The following EPB41L5 variants were observed in gnomAD, a reference collection of about 807,000 sequenced individuals.
EPB41L5 encodes band 4.1-like protein 5.
A neutral mutation model predicts 106.6 loss-of-function variants in EPB41L5; 55 were observed. That is an observed-to-expected ratio of 0.52 (90% CI 0.42 to 0.65). The LOEUF is 0.65. Ranked by LOEUF, EPB41L5 falls within the 30% of genes least tolerant of loss-of-function variation. The pLI, the probability that EPB41L5 is intolerant of heterozygous loss-of-function variation, is 0.00. For missense variants in EPB41L5, 871 were observed against 882.1 expected, an observed-to-expected ratio of 0.99 and a Z score of 0.16; for synonymous variants, 297 against 306.7, an observed-to-expected ratio of 0.97 and a Z score of 0.33.
At chr2:120,165,018 T>C in intron 22 of EPB41L5, 108 bp downstream of exon 22, 1 of 797,950 alleles carries the variant, frequency 1.3e-6, no homozygotes, top group East Asian at 2.7e-5. Flanking sequence ...ACTTTTCATT[T>C]GATAAGAGTT....
At chr2:120,019,821 C>T (rs1677804651) in intron 2 of EPB41L5, among the ~76,000 whole-genome samples, 2 of 152,170 alleles carry the variant, frequency 1.3e-5, no homozygotes, top group South Asian at 4.1e-4. Flanking sequence ...TGTCTCTTTG[C>T]TCCTGAAGTA....
intron 16 of EPB41L5, chr2:120,105,155 A>G: frequency 1.0e-6 from 1 of 978,674 alleles, no homozygotes. Context: ...GATCCTTTTT[A>G]AACTTTAGAA....
intron 7 of EPB41L5, 71 bp downstream of exon 7, chr2:120,075,824 G>T: frequency 1.2e-5 from 15 of 1,212,854 alleles, no homozygotes; most frequent in Non-Finnish European, 1.8e-5. Flanking sequence ...AGTTAAAGAA[G>T]ATTCTAATTA....
intron 3 of EPB41L5, among the ~76,000 whole-genome samples, chr2:120,063,185 A>T (rs996290305): frequency 1.3e-5 from 2 of 151,576 alleles, no homozygotes; most frequent in South Asian, 2.1e-4. Context: ...ACTAAAAATT[A>T]AAAAAAATTA....
intron 14 of EPB41L5, among the ~76,000 whole-genome samples, chr2:120,096,250 G>T (rs1683745833): frequency 6.6e-6 from 1 of 151,810 alleles, no homozygotes; most frequent in Non-Finnish European, 1.5e-5. Flanking sequence ...AGCTGTTAAA[G>T]CCAGTCCGTG....
intron 5 of EPB41L5, 43 bp from the exon 6 acceptor site, chr2:120,075,433 G>C (rs370333545): frequency 2.8e-5 from 39 of 1,414,854 alleles, no homozygotes; most frequent in Non-Finnish European, 3.7e-5. Context: ...TTTCACAGTC[G>C]ATTGTGCTGT....
chr2:120,121,601 T>C (rs1019578621), intron 16 of EPB41L5, among the ~76,000 whole-genome samples: 2 of 152,250 alleles, frequency 1.3e-5, no homozygotes, highest in African/African-American at 4.8e-5. Flanking sequence ...AGTCTATCAT[T>C]GATGGACATT....
chr2:120,132,709 G>A (rs1199953725), intron 18 of EPB41L5, among the ~76,000 whole-genome samples: 1 of 152,144 alleles, frequency 6.6e-6, no homozygotes, highest in Non-Finnish European at 1.5e-5. Flanking sequence ...TACAGTGTCA[G>A]TTTTTTAAAT....
At chr2:120,066,276 G>A (rs913377048) in intron 3 of EPB41L5, among the ~76,000 whole-genome samples, 3 of 151,842 alleles carry the variant, frequency 2.0e-5, no homozygotes, top group African/African-American at 2.4e-5. Context: ...AAAATCACTC[G>A]CAATTTCAAC....
Position 120,101,380 on chromosome 2 carries a change from T to A in EPB41L5, c.1337+566T>A, listed in dbSNP as rs1684131193. Among the ~76,000 whole-genome samples, 4 of 152,186 alleles carry A rather than the reference T, an allele frequency of 2.6e-5. No homozygotes were observed. The South Asian group carries it at 8.3e-4, about 32-fold the overall frequency. On this transcript the variant is annotated intron_variant, in intron 16 of 24. Coordinates refer to ENST00000263713, the MANE Select transcript of EPB41L5 (RefSeq NM_020909.4). Reference sequence around the variant, plus strand: ...GTTCTTTTTTTAGATTAATAGTAAATATACAAATATGGATACTTTGTGTCT... The same window carrying A: ...GTTCTTTTTTTAGATTAATAGTAAAAATACAAATATGGATACTTTGTGTCT...
chr2:120,045,714 A>G (rs1182968819), intron 3 of EPB41L5, among the ~76,000 whole-genome samples: 1 of 152,098 alleles, frequency 6.6e-6, no homozygotes, highest in Non-Finnish European at 1.5e-5. Context: ...CATGTGCACA[A>G]CATGCAGGTT....
intron 3 of EPB41L5, among the ~76,000 whole-genome samples, chr2:120,066,202 G>T (rs1216941689): frequency 6.6e-6 from 1 of 151,974 alleles, no homozygotes; most frequent in East Asian, 1.9e-4. Flanking sequence ...CATGATTATT[G>T]CCTTAAGTAA....
chr2:120,096,695 CAGG>C (rs1683779407), intron 14 of EPB41L5, among the ~76,000 whole-genome samples: 2 of 152,156 alleles, frequency 1.3e-5, no homozygotes, highest in South Asian at 4.1e-4. Context: ...GAGGCTGAGA[CAGG>C]AGAATTGCTT....
At chr2:120,122,333 A>T (rs1368962628) in intron 16 of EPB41L5, among the ~76,000 whole-genome samples, 1 of 152,220 alleles carries the variant, frequency 6.6e-6, no homozygotes, top group Non-Finnish European at 1.5e-5. Flanking sequence ...TCTTTAATCC[A>T]TCATAAATTA....
At chr2:120,108,066 A>G (rs776001790) in intron 16 of EPB41L5, 7 of 152,108 alleles carry the variant, frequency 4.6e-5, no homozygotes, top group Non-Finnish European at 8.8e-5. Flanking sequence ...TAGACAAACA[A>G]TTGTTCCTGT....
intron 18 of EPB41L5, among the ~76,000 whole-genome samples, chr2:120,139,426 A>G (rs756854359): frequency 6.6e-6 from 1 of 152,126 alleles, no homozygotes; most frequent in Non-Finnish European, 1.5e-5. Flanking sequence ...CAAATTACCC[A>G]TCTGACAATG....
At chr2:120,086,577 C>A (rs917387991) in intron 10 of EPB41L5, among the ~76,000 whole-genome samples, 1 of 151,978 alleles carries the variant, frequency 6.6e-6, no homozygotes, top group East Asian at 1.9e-4. Context: ...GCCTGGGCAA[C>A]GTAGCGAGAT....
chr2:120,030,367 G>C (rs899828707), intron 2 of EPB41L5, among the ~76,000 whole-genome samples: 2 of 152,160 alleles, frequency 1.3e-5, no homozygotes, highest in African/African-American at 2.4e-5. Context: ...CCGTGCTTGA[G>C]ATATTTTGCA....
chr2:120,098,242 C>G (rs760414319), intron 14 of EPB41L5, among the ~76,000 whole-genome samples: 8 of 148,208 alleles, frequency 5.4e-5, no homozygotes, highest in Non-Finnish European at 1.0e-4. Context: ...CAGGGTCTTG[C>G]CCTGTCACCC....
Sources: gnomAD v4.1 joint callset for allele counts (sites outside exome capture counted in the v4.1 genomes callset) on GRCh38, gnomAD v4.1.1 for gene constraint, MANE v1.5 for transcripts, NCBI Gene and HGNC (gene_info 2026-07-23, HGNC 2026-07-21) for gene names.